The following SLC35D1 variants were observed in gnomAD, a reference collection of about 807,000 sequenced individuals.
SLC35D1 encodes solute carrier family 35 member D1, also known as nucleotide sugar transporter SLC35D1.
Under a neutral mutation model 46.7 loss-of-function variants are expected in SLC35D1, and 31 were observed. That is an observed-to-expected ratio of 0.66 (90% CI 0.50 to 0.90). The LOEUF is 0.90. Ranked by LOEUF, SLC35D1 falls within the 40% of genes least tolerant of loss-of-function variation. The pLI, the probability that SLC35D1 is intolerant of heterozygous loss-of-function variation, is 0.00. For synonymous variants in SLC35D1, 195 were observed against 164.6 expected (o/e 1.18, Z -1.41); for missense variants, 397 against 426.2 (o/e 0.93, Z 0.60).
intron 7 of SLC35D1, among the ~76,000 whole-genome samples, chr1:67,044,028 C>G (rs181306276): frequency 2.0e-5 from 3 of 152,260 alleles, no homozygotes; most frequent in East Asian, 3.9e-4. Flanking sequence ...GAAATAAATA[C>G]CCAACAATTG....
chr1:67,006,470 TC>T (rs145711199), intron 11 of SLC35D1, among the ~76,000 whole-genome samples: 24,268 of 152,068 alleles, frequency 0.16, 2,258 homozygotes, highest in Non-Finnish European at 0.22. Context: ...CATCCTACCT[TC>T]CTCTAGCTTC....
chr1:67,053,443 G>C (rs1378845349), intron 1 of SLC35D1, among the ~76,000 whole-genome samples: 1 of 152,200 alleles, frequency 6.6e-6, no homozygotes, highest in African/African-American at 2.4e-5. Flanking sequence ...CTGCGGAGGA[G>C]GGAGGCTTCC....
rs1017860932 is a variant in SLC35D1, at chr1:67,053,054, T to C, written c.204-65A>G. Reference sequence around the variant, plus strand: ...CCTAACTTAGCTCCGTGAATTCAATTTGCACATCGGCAACGTTAATAAGGC... The same window carrying C: ...CCTAACTTAGCTCCGTGAATTCAATCTGCACATCGGCAACGTTAATAAGGC... On this transcript the variant is annotated intron_variant, in intron 1 of 11. Coordinates refer to ENST00000235345, the MANE Select transcript of SLC35D1 (RefSeq NM_015139.3). 6.3e-6 allele frequency: 10 copies of C among 1,580,054 alleles called. No homozygotes were observed. In the African/African-American group the frequency reaches 9.5e-5, roughly 15 times the overall value.
At chr1:66,992,991 A>C in the SLC35D1 span, among the ~76,000 whole-genome samples, 1 of 152,270 alleles carries the variant, frequency 6.6e-6, no homozygotes, top group African/African-American at 2.4e-5. Context: ...GAGAAGTTGT[A>C]AGACTTGCTC....
At chr1:67,033,159 A>G (rs1382587106) in intron 8 of SLC35D1, among the ~76,000 whole-genome samples, 1 of 151,998 alleles carries the variant, frequency 6.6e-6, no homozygotes, top group Non-Finnish European at 1.5e-5. Context: ...TGGACACTCG[A>G]GTTGCTTCCA....
intron 5 of SLC35D1, among the ~76,000 whole-genome samples, chr1:67,050,066 CATT>C (rs1433813121): frequency 6.6e-6 from 1 of 152,124 alleles, no homozygotes; most frequent in African/African-American, 2.4e-5. Context: ...CACCTATTGT[CATT>C]ATTAGTGAGT....
the SLC35D1 span, chr1:66,987,213 CAAT>C: frequency 6.6e-6 from 1 of 152,666 alleles, no homozygotes; most frequent in Non-Finnish European, 1.5e-5. Flanking sequence ...GTATTTCACA[CAAT>C]AATTTGTTCT....
Position 67,050,424 on chromosome 1 carries a change from T to G in SLC35D1, c.464+9A>C, listed in dbSNP as rs778450735. The G allele has an allele frequency of 1.2e-6, 2 of 1,602,636 alleles. No homozygotes were observed. The highest frequency in any genetic ancestry group is 2.2e-5 in the East Asian group (1 of 44,774). ...TTTAAAGAACAGATATATTAGAAAC[T>G]TAGCTCACTTGAGTAAAACTCCTTC... On this transcript the variant is annotated intron_variant, in intron 5 of 11. Transcript: ENST00000235345.
the SLC35D1 span, among the ~76,000 whole-genome samples, chr1:66,983,449 G>C: frequency 6.6e-6 from 1 of 151,876 alleles, no homozygotes; most frequent in East Asian, 1.9e-4. Flanking sequence ...CAATTAAATT[G>C]TAATTATTCA....
Position 67,021,414 on chromosome 1 carries a change from G to A in SLC35D1, c.797+121C>T, listed in dbSNP as rs17129600. Reference sequence around the variant, plus strand: ...GCTATGAAACCACCTGAATCTGGAGGCTTAATTATCCTAGGCTGACACACT... The same window carrying A: ...GCTATGAAACCACCTGAATCTGGAGACTTAATTATCCTAGGCTGACACACT... On this transcript the variant is annotated intron_variant, in intron 9 of 11. Transcript: ENST00000235345. 1,658 of 1,015,876 alleles carry A rather than the reference G, an allele frequency of 1.6e-3. 20 individuals carry two copies. In the African/African-American group the frequency reaches 0.022, roughly 14 times the overall value. The allele number at this position is 1,015,876 out of a possible 1,614,324, so 62.9% of individuals were successfully genotyped here. A position where few individuals can be genotyped will look rare whatever the true frequency, so the allele number is the denominator to read the frequency against.
intron 10 of SLC35D1, among the ~76,000 whole-genome samples, chr1:67,014,027 G>A (rs1009928132): frequency 2.0e-5 from 3 of 152,042 alleles, no homozygotes; most frequent in Non-Finnish European, 4.4e-5. Context: ...CCTTTCAACG[G>A]TGCCTACTTT....
chr1:66,973,008 T>C, the SLC35D1 span: 1 of 1,451,282 alleles, frequency 6.9e-7, no homozygotes, highest in Non-Finnish European at 9.7e-7. Flanking sequence ...AATGATAATC[T>C]CTTTTTTGCA....
At chr1:67,011,594 C>T (rs931848291) in intron 10 of SLC35D1, among the ~76,000 whole-genome samples, 1 of 152,164 alleles carries the variant, frequency 6.6e-6, no homozygotes, top group Non-Finnish European at 1.5e-5. Context: ...GCAATCCTCC[C>T]ACCTCAGCCT....
chr1:67,021,404 G>T, intron 9 of SLC35D1, 131 bp downstream of exon 9: 1 of 950,724 alleles, frequency 1.1e-6, no homozygotes, highest in Non-Finnish European at 1.7e-6. Context: ...GAAACCACCT[G>T]AATCTGGAGG....
chr1:66,997,347 A>G (rs1044595476), downstream of SLC35D1, among the ~76,000 whole-genome samples: 1 of 151,556 alleles, frequency 6.6e-6, no homozygotes, highest in Non-Finnish European at 1.5e-5. Context: ...CCCCGTCTCT[A>G]CAAAAAAATT....
At chr1:67,049,186 C>T (rs1044873295) in intron 6 of SLC35D1, among the ~76,000 whole-genome samples, 1 of 151,698 alleles carries the variant, frequency 6.6e-6, no homozygotes, top group Non-Finnish European at 1.5e-5. Flanking sequence ...CCCAGCTACT[C>T]GGGAGGCTGA....
chr1:67,048,863 C>T (rs899438547), intron 6 of SLC35D1, among the ~76,000 whole-genome samples: 1 of 152,146 alleles, frequency 6.6e-6, no homozygotes, highest in Admixed American at 6.5e-5. Flanking sequence ...TAAGTTATGG[C>T]ATTTGTGACA....
chr1:66,977,844 T>C, the SLC35D1 span, among the ~76,000 whole-genome samples: 1 of 152,084 alleles, frequency 6.6e-6, no homozygotes, highest in Non-Finnish European at 1.5e-5. Context: ...AAAAAAAAAT[T>C]GACTTTGTCA....
chr1:67,011,036 G>A (rs991489148), intron 10 of SLC35D1, among the ~76,000 whole-genome samples: 13 of 152,158 alleles, frequency 8.5e-5, no homozygotes, highest in African/African-American at 3.1e-4. Context: ...TACCTGTGAG[G>A]TTTCATCTGT....
Sources: allele counts gnomAD v4.1 joint callset (sites outside exome capture counted in the v4.1 genomes callset), GRCh38; gene constraint gnomAD v4.1.1; transcripts MANE v1.5; gene names NCBI Gene and HGNC (gene_info 2026-07-23, HGNC 2026-07-21).